WRNIP1: variants seen among roughly 807,000 people sequenced by gnomAD.
WRNIP1 encodes WRN helicase interacting protein 1, also known as ATPase WRNIP1.
In WRNIP1, 41 loss-of-function variants were observed where a neutral mutation model predicts 56.1. The observed-to-expected ratio is 0.73, with a 90% CI of 0.57 to 0.95. The LOEUF (loss-of-function observed/expected upper bound fraction) is 0.95, where lower values mean the gene tolerates loss of function less well. WRNIP1 is among the 40% of genes least tolerant of loss of function. The pLI is 0.00. For missense variants in WRNIP1, 1,170 were observed against 939.4 expected, an observed-to-expected ratio of 1.25 and a Z score of -3.21; for synonymous variants, 547 against 398.1, an observed-to-expected ratio of 1.37 and a Z score of -4.45.
chr6:2,778,491 GTGAC>G (rs1196906284), intron 3 of WRNIP1, among the ~76,000 whole-genome samples: 1 of 152,172 alleles, frequency 6.6e-6, no homozygotes, highest in Non-Finnish European at 1.5e-5. Flanking sequence ...ATTTAGAAAT[GTGAC>G]TGTAAGTTTT....
chr6:2,767,144 C>G (rs930397130), intron 1 of WRNIP1, among the ~76,000 whole-genome samples: 7 of 152,234 alleles, frequency 4.6e-5, no homozygotes, highest in Middle Eastern at 3.4e-3. Context: ...GTTCTGTGTC[C>G]CTTCGTGAGG....
chr6:2,773,510 A>G, intron 3 of WRNIP1: 1 of 985,434 alleles, frequency 1.0e-6, no homozygotes, highest in Non-Finnish European at 1.2e-6. Context: ...TTTGGTTTGT[A>G]TGGCTAAGCA....
chr6:2,765,428 GGCCGGCCGAGGGCGGGC>G lies in WRNIP1; in HGVS notation c.-193_-177del. On this transcript the variant is annotated 5_prime_UTR_variant, in exon 1 of 7. Coordinates refer to ENST00000380773, the MANE Select transcript of WRNIP1 (RefSeq NM_020135.3). ...ACACGCCGCGTGAGGCGCTGCCAGCGGCCGGCCGAGGGCGGGCGGACGCGGGAGCTGCGGACGTGAGG... is the reference window on the plus strand; with the variant it reads ...ACACGCCGCGTGAGGCGCTGCCAGCGGGACGCGGGAGCTGCGGACGTGAGG... 1.8e-6 allele frequency: 1 copy of G among 551,086 alleles called. No individual in the cohort carries two copies. The highest frequency in any genetic ancestry group is 2.6e-6 in the Non-Finnish European group (1 of 382,274). 34.1% of individuals were successfully genotyped at this position (551,086 alleles called of 1,614,324 possible). A position where few individuals can be genotyped will look rare whatever the true frequency, so the allele number is the denominator to read the frequency against.
rs998243949 is a variant in WRNIP1, at chr6:2,765,639, C to G, written c.17C>G (p.Pro6Arg). The change falls in exon 1 of 7, where the codon CCG becomes CGG. Residue 6 changes from proline (P) to arginine (R), a missense_variant. Pro to Arg is a moderately radical substitution (Grantham distance 103). Coordinates refer to ENST00000380773, the MANE Select transcript of WRNIP1 (RefSeq NM_020135.3). MEVSGPEDDPFLSQLH... is the reference protein window; with the variant it reads MEVSGREDDPFLSQLH... ...GCGGCCGCCATGGAGGTGAGCGGGC[C>G]GGAAGACGACCCCTTCCTTTCGCAG... 1.3e-6 allele frequency: 2 copies of G among 1,541,138 alleles called. No homozygotes were observed. The highest frequency in any genetic ancestry group is 1.7e-6 in the Non-Finnish European group (2 of 1,152,480).
chr6:2,768,988 G>GCTC, intron 2 of WRNIP1, 106 bp downstream of exon 2: 1 of 1,177,672 alleles, frequency 8.5e-7, no homozygotes, highest in Non-Finnish European at 1.2e-6. Flanking sequence ...TGTTTACAAA[G>GCTC]AAGCGTAGGC....
intron 4 of WRNIP1, among the ~76,000 whole-genome samples, chr6:2,780,393 TC>T (rs1166335398): frequency 6.6e-6 from 1 of 152,176 alleles, no homozygotes; most frequent in Non-Finnish European, 1.5e-5. Flanking sequence ...CGCTGCCTCT[TC>T]GTGGGTGAGC....
intron 1 of WRNIP1, 37 bp downstream of exon 1, chr6:2,766,481 T>C (rs1764996935): frequency 2.7e-6 from 4 of 1,461,412 alleles, no homozygotes; most frequent in African/African-American, 1.4e-5. Context: ...TCCGTAGTTA[T>C]CTCGGCGGTG....
At chr6:2,769,946 G>A (rs1225277874) in intron 2 of WRNIP1, among the ~76,000 whole-genome samples, 174 bp from the exon 3 acceptor site, 1 of 152,194 alleles carries the variant, frequency 6.6e-6, no homozygotes, top group African/African-American at 2.4e-5. Flanking sequence ...TTAAAAGCAA[G>A]AGTTGTACTC....
rs748598540 is a variant in WRNIP1, at chr6:2,785,309, T to C, written c.*27T>C. On this transcript the variant is annotated 3_prime_UTR_variant, in exon 7 of 7. Transcript: ENST00000380773. ...TCCTCAGGGCACGACAGCAGAAGGA[T>C]GTTGCTTTTTTAAGGGAGGGCCAGA... 4 of 1,599,860 alleles carry C rather than the reference T, an allele frequency of 2.5e-6. No homozygotes were observed. The highest frequency in any genetic ancestry group is 1.1e-5 in the South Asian group (1 of 90,370).
At chr6:2,774,675 A>G (rs962174666) in intron 3 of WRNIP1, among the ~76,000 whole-genome samples, 4 of 152,198 alleles carry the variant, frequency 2.6e-5, no homozygotes, top group Admixed American at 6.5e-5. Context: ...TATTCAACCC[A>G]CTACAGACCC....
chr6:2,767,305 G>A (rs1210096323), intron 1 of WRNIP1, among the ~76,000 whole-genome samples: 1 of 152,224 alleles, frequency 6.6e-6, no homozygotes, highest in Admixed American at 6.5e-5. Flanking sequence ...TCCATAATAA[G>A]GGAGAAGAAC....
At chr6:2,772,216 A>G (rs551299081) in intron 3 of WRNIP1, among the ~76,000 whole-genome samples, 1 of 152,358 alleles carries the variant, frequency 6.6e-6, no homozygotes, top group African/African-American at 2.4e-5. Context: ...GATCAAGTGA[A>G]ATAATTAAGA....
At chr6:2,780,879 A>G (rs1176837450) in intron 4 of WRNIP1, among the ~76,000 whole-genome samples, 1 of 152,222 alleles carries the variant, frequency 6.6e-6, no homozygotes, top group African/African-American at 2.4e-5. Context: ...CTTGAGATCC[A>G]TATAACATGG....
chr6:2,783,004 G>A (rs1765600079), intron 4 of WRNIP1, among the ~76,000 whole-genome samples: 1 of 152,188 alleles, frequency 6.6e-6, no homozygotes, highest in African/African-American at 2.4e-5. Flanking sequence ...ACATCCTCCT[G>A]GCTCCGAGCA....
rs1174970109 is a variant in WRNIP1, at chr6:2,770,167, G to A, written c.1062G>A (p.Gly354=). ...HVECGTITLI[G]ATTENPSFQV... is the part of the protein sequence containing the mutation. ...AATGTGGGACGATCACTCTGATTGG[G>A]GCAACCACTGAAAACCCTTCCTTCC... The change falls in exon 3 of 7, where the codon GGG becomes GGA. Residue 354 remains glycine (G), a synonymous_variant. Coordinates refer to ENST00000380773, the MANE Select transcript of WRNIP1 (RefSeq NM_020135.3). 1.2e-6 allele frequency: 2 copies of A among 1,614,022 alleles called. No individual in the cohort carries two copies. The highest frequency in any genetic ancestry group is 2.7e-5 in the African/African-American group (2 of 74,886).
chr6:2,773,231 G>T lies in WRNIP1; in HGVS notation c.1256+2870G>T, dbSNP rs911699686. The T allele has an allele frequency of 1.3e-5, 13 of 985,250 alleles. No homozygotes were observed. The African/African-American group carries it at 2.3e-4, about 17-fold the overall frequency. 61.0% of individuals were successfully genotyped at this position (985,250 alleles called of 1,614,324 possible). On this transcript the variant is annotated intron_variant, in intron 3 of 6. Coordinates refer to ENST00000380773, the MANE Select transcript of WRNIP1 (RefSeq NM_020135.3). ...TAGTTATTATTCAGTCAAAATTGAA[G>T]CTCCTGCATATGCTAGGCATTGGCT...
chr6:2,774,227 A>G (rs1203203179), intron 3 of WRNIP1: 1 of 985,322 alleles, frequency 1.0e-6, no homozygotes, highest in Non-Finnish European at 1.2e-6. Context: ...ATAATGCCAT[A>G]AAAGCACCAG....
At chr6:2,769,975 T>C in intron 2 of WRNIP1, 145 bp from the exon 3 acceptor site, 2 of 1,184,038 alleles carry the variant, frequency 1.7e-6, no homozygotes. Context: ...ATTGCATCTA[T>C]ATTCAGTGAA....
At chr6:2,770,605 CT>C (rs1042296393) in intron 3 of WRNIP1, among the ~76,000 whole-genome samples, 51 of 152,276 alleles carry the variant, frequency 3.3e-4, no homozygotes, top group Non-Finnish European at 3.1e-4. Context: ...CAAGCTTTAA[CT>C]TTGCTTTGTT....
Sources: allele counts gnomAD v4.1 joint callset (sites outside exome capture counted in the v4.1 genomes callset), GRCh38; gene constraint gnomAD v4.1.1; transcripts MANE v1.5; gene names NCBI Gene and HGNC (gene_info 2026-07-23, HGNC 2026-07-21).